MFSD2B: variants seen among roughly 807,000 people sequenced by gnomAD.
The protein encoded by MFSD2B is MFSD2 lysolipid transporter B, sphingolipid, also known as sphingosine-1-phosphate transporter MFSD2B.
In MFSD2B, 56 loss-of-function variants were observed where a neutral mutation model predicts 58.4. That is an observed-to-expected ratio of 0.96 (90% CI 0.77 to 1.20). The LOEUF is 1.20. Among genes scored for constraint, MFSD2B ranks in the 50% most tolerant of loss-of-function variants. MFSD2B has a pLI of 0.00. For missense variants in MFSD2B, 645 were observed against 667.6 expected (o/e 0.97, Z 0.37); for synonymous variants, 287 against 294.4 (o/e 0.97, Z 0.26).
At position 24,023,823 on chromosome 2, in the gene MFSD2B, C is replaced by A; in HGVS notation, c.1313+97C>A. On this transcript the variant is annotated intron_variant, in intron 12 of 13. Coordinates refer to ENST00000338315, the MANE Select transcript of MFSD2B (RefSeq NM_001346880.2). The surrounding 1 kb of genome is among the most constrained non-coding windows in gnomAD (Gnocchi z 5.0). ...CTACCAAGCTCAGGGCATCCATGAG[C>A]CTGGGGCCTAAGCGCTACTCTTTGG... 7.0e-7 allele frequency: 1 copy of A among 1,428,308 alleles called. No individual in the cohort carries two copies. The highest frequency in any genetic ancestry group is 9.6e-7 in the Non-Finnish European group (1 of 1,036,456). The allele number at this position is 1,428,308 out of a possible 1,614,324, so 88.5% of individuals were successfully genotyped here.
chr2:24,023,966 T>C lies in MFSD2B; in HGVS notation c.1314-129T>C, dbSNP rs1662892742. 9.6e-7 allele frequency: 1 copy of C among 1,045,502 alleles called. No individual in the cohort carries two copies. The highest frequency in any genetic ancestry group is 1.6e-5 in the African/African-American group (1 of 62,886). 64.8% of individuals were successfully genotyped at this position (1,045,502 alleles called of 1,614,324 possible). A position where few individuals can be genotyped will look rare whatever the true frequency, so the allele number is the denominator to read the frequency against. The stretch of plus-strand genomic sequence containing the variant: ...TCAGCCTGTCACCTTGACACTCCTC[T>C]CCTGATCTGACCAGGAAATGAAGTC... On this transcript the variant is annotated intron_variant, in intron 12 of 13. Transcript: ENST00000338315. This position sits in a 1 kb window ranked among gnomAD's most constrained non-coding sequence, Gnocchi z 5.0.
intron 6 of MFSD2B, among the ~76,000 whole-genome samples, chr2:24,019,529 C>T (rs1274952402): frequency 6.6e-6 from 1 of 152,064 alleles, no homozygotes; most frequent in Non-Finnish European, 1.5e-5. Flanking sequence ...TCAAGACCAG[C>T]CTGGCCAACA....
chr2:24,018,847 T>C (rs1274375384), intron 6 of MFSD2B: 5 of 138,190 alleles, frequency 3.6e-5, no homozygotes, highest in Non-Finnish European at 7.5e-5. Flanking sequence ...TGGCCTTTTG[T>C]GCTTTTTTTT....
At position 24,017,760 on chromosome 2, in the gene MFSD2B, A is replaced by C. The variant is rs1286019290; in HGVS notation, c.681+172A>C. Among the ~76,000 whole-genome samples, 4 of 152,024 alleles carry C rather than the reference A, an allele frequency of 2.6e-5. No individual in the cohort carries two copies. The highest frequency in any genetic ancestry group is 5.9e-5 in the Non-Finnish European group (4 of 67,992). ...AGTTGAGCAGATGGCCCCCAAATCT[A>C]ACGTCCTCTGCTAAACCTGCCTCCT... On this transcript the variant is annotated intron_variant, in intron 6 of 13. Coordinates refer to ENST00000338315, the MANE Select transcript of MFSD2B (RefSeq NM_001346880.2). This position sits in a 1 kb window ranked among gnomAD's most constrained non-coding sequence, Gnocchi z 4.8.
rs866538180 is a variant in MFSD2B at position 24,020,595 on chromosome 2, T to C, written c.682-1053T>C. On this transcript the variant is annotated intron_variant, in intron 6 of 13. Coordinates refer to ENST00000338315, the MANE Select transcript of MFSD2B (RefSeq NM_001346880.2). The surrounding 1 kb of genome is among the most constrained non-coding windows in gnomAD (Gnocchi z 4.1). Reference sequence around the variant, plus strand: ...TATATACAGAGGCAGGGTCTTACTCTGCCACCCAGGCTGGAGTGCAATGGT... The same window carrying C: ...TATATACAGAGGCAGGGTCTTACTCCGCCACCCAGGCTGGAGTGCAATGGT... 1.3e-5 allele frequency among the ~76,000 whole-genome samples: 2 copies of C among 152,172 alleles called. No individual in the cohort carries two copies. The highest frequency in any genetic ancestry group is 4.8e-5 in the African/African-American group (2 of 41,436).
At position 24,021,974 on chromosome 2, in the gene MFSD2B, C is replaced by T. The variant is rs1662808573; in HGVS notation, c.894+4C>T. 3 of 1,614,010 alleles carry T rather than the reference C, an allele frequency of 1.9e-6. No individual in the cohort carries two copies. The highest frequency in any genetic ancestry group is 1.1e-5 in the South Asian group (1 of 91,088). ...GTTCATCTCTGCTGCTGTTCAGGTA[C>T]CTCTGGCCAGCTGCCCCCGACAGGC... On this transcript the variant is annotated splice_donor_region_variant and intron_variant, in intron 8 of 13. Transcript: ENST00000338315. This position sits in a 1 kb window ranked among gnomAD's most constrained non-coding sequence, Gnocchi z 5.7.
chr2:24,022,855 T>C lies in MFSD2B; in HGVS notation c.1012T>C (p.Trp338Arg). The C allele has an allele frequency of 6.2e-7, 1 of 1,609,306 alleles. No individual in the cohort carries two copies. Among genetic ancestry groups the C allele is most frequent in the Non-Finnish European group, 8.5e-7 (1 of 1,178,178 alleles). ...SAVLSTPLWE[W>R]VLQRFGKKTS... ...CGTGCTGAGCACCCCGCTGTGGGAGTGGGTTCTCCAGCGCTTTGGGAAGAA... is the reference window on the plus strand; with the variant it reads ...CGTGCTGAGCACCCCGCTGTGGGAGCGGGTTCTCCAGCGCTTTGGGAAGAA... Residue 338 changes from tryptophan to arginine, a missense_variant, in exon 10 of 14, where the codon TGG becomes CGG. Trp to Arg is a moderately radical substitution (Grantham distance 101). Transcript: ENST00000338315. The surrounding 1 kb of genome is among the most constrained non-coding windows in gnomAD (Gnocchi z 4.5).
intron 6 of MFSD2B, among the ~76,000 whole-genome samples, chr2:24,019,678 A>T (rs932972078): frequency 2.0e-5 from 3 of 152,164 alleles, no homozygotes; most frequent in Admixed American, 6.5e-5. Flanking sequence ...AGCAGGGATC[A>T]CGCCATTGCA....
intron 13 of MFSD2B, among the ~76,000 whole-genome samples, 195 bp from the exon 14 acceptor site, chr2:24,025,237 G>A (rs1310084304): frequency 6.6e-6 from 1 of 152,198 alleles, no homozygotes; most frequent in Admixed American, 6.5e-5. Context: ...GGAAGGCCAG[G>A]CGGATGGGGA....
chr2:24,015,272 CAA>C (rs79470107), intron 2 of MFSD2B, among the ~76,000 whole-genome samples: 2 of 128,462 alleles, frequency 1.6e-5, no homozygotes, highest in Non-Finnish European at 1.7e-5. Context: ...TCCACCTCCA[CAA>C]AAAAAAAAAA....
Position 24,021,624 on chromosome 2 carries a change from T to C in MFSD2B, c.682-24T>C, listed in dbSNP as rs1283606705. On this transcript the variant is annotated intron_variant, in intron 6 of 13. Transcript: ENST00000338315. The surrounding 1 kb of genome is among the most constrained non-coding windows in gnomAD (Gnocchi z 5.7). ...CTCCAGGGGTTGAAGACATCACCCA[T>C]CCCAGTCCTGTCCTGTCCCACAGGC... 3 of 1,599,338 alleles carry C rather than the reference T, an allele frequency of 1.9e-6. No individual in the cohort carries two copies. In the African/African-American group the frequency reaches 4.0e-5, roughly 21 times the overall value.
rs1662822795 is a variant in MFSD2B at position 24,022,387 on chromosome 2, C to T, written c.895-46C>T. ...CCTGTCCTTGCCCTTGACTTCTGAG[C>T]TCCTGCCATGCCCTGCACATACCCA... On this transcript the variant is annotated intron_variant, in intron 8 of 13. Transcript: ENST00000338315. This position sits in a 1 kb window ranked among gnomAD's most constrained non-coding sequence, Gnocchi z 4.5. The T allele has an allele frequency of 6.6e-7, 1 of 1,509,718 alleles. No homozygotes were observed. Among genetic ancestry groups the T allele is most frequent in the Non-Finnish European group, 9.1e-7 (1 of 1,094,614 alleles). 93.5% of individuals were successfully genotyped at this position (1,509,718 alleles called of 1,614,324 possible). A position where few individuals can be genotyped will look rare whatever the true frequency, so the allele number is the denominator to read the frequency against.
chr2:24,022,104 C>T lies in MFSD2B; in HGVS notation c.894+134C>T, dbSNP rs1004464684. On this transcript the variant is annotated intron_variant, in intron 8 of 13. Coordinates refer to ENST00000338315, the MANE Select transcript of MFSD2B (RefSeq NM_001346880.2). This position sits in a 1 kb window ranked among gnomAD's most constrained non-coding sequence, Gnocchi z 4.5. The stretch of plus-strand genomic sequence containing the variant: ...GCACATGGCTCAGAGGGGCTGGTGC[C>T]GGGAGGGAGATCCCGGTAGGGCTTG... 4.0e-5 allele frequency: 43 copies of T among 1,084,056 alleles called. No homozygotes were observed. The highest frequency in any genetic ancestry group is 1.5e-4 in the Admixed American group (7 of 46,706). 67.2% of individuals were successfully genotyped at this position (1,084,056 alleles called of 1,614,324 possible).
intron 6 of MFSD2B, among the ~76,000 whole-genome samples, chr2:24,019,249 AC>A (rs1662658347): frequency 6.6e-6 from 1 of 152,140 alleles, no homozygotes. Flanking sequence ...AACACCTGGA[AC>A]CTTGTTAGAA....
chr2:24,015,142 CA>C (rs1291797371), intron 2 of MFSD2B, among the ~76,000 whole-genome samples: 1 of 148,242 alleles, frequency 6.7e-6, no homozygotes, highest in East Asian at 2.0e-4. Context: ...AAACCAACAA[CA>C]AAAAAATGAG....
chr2:24,020,593 TCTG>T lies in MFSD2B; in HGVS notation c.682-1053_682-1051del, dbSNP rs1365582935. On this transcript the variant is annotated intron_variant, in intron 6 of 13. Coordinates refer to ENST00000338315, the MANE Select transcript of MFSD2B (RefSeq NM_001346880.2). This position sits in a 1 kb window ranked among gnomAD's most constrained non-coding sequence, Gnocchi z 4.1. Reference sequence around the variant, plus strand: ...TATATATACAGAGGCAGGGTCTTACTCTGCCACCCAGGCTGGAGTGCAATGGTG... The same window carrying T: ...TATATATACAGAGGCAGGGTCTTACTCCACCCAGGCTGGAGTGCAATGGTG... Among the ~76,000 whole-genome samples the T allele has an allele frequency of 6.6e-6, 1 of 152,174 alleles. No individual in the cohort carries two copies. Among genetic ancestry groups the T allele is most frequent in the East Asian group, 1.9e-4 (1 of 5,188 alleles).
rs187633342 is a variant in MFSD2B at position 24,026,478 on chromosome 2, T to A, written c.*1022T>A. ...GGCTGGTTGCCAGAGAAACCAACCATGTGATTAGAAGGTTGAAACTTTCAG... is the reference window on the plus strand; with the variant it reads ...GGCTGGTTGCCAGAGAAACCAACCAAGTGATTAGAAGGTTGAAACTTTCAG... On this transcript the variant is annotated 3_prime_UTR_variant, in exon 14 of 14. Coordinates refer to ENST00000338315, the MANE Select transcript of MFSD2B (RefSeq NM_001346880.2). 1 of 152,168 alleles carries A rather than the reference T, an allele frequency of 6.6e-6. No homozygotes were observed. Among genetic ancestry groups the A allele is most frequent in the Non-Finnish European group, 1.5e-5 (1 of 68,040 alleles). The allele number at this position is 152,168 out of a possible 1,614,324, so 9.4% of individuals were successfully genotyped here.
At chr2:24,013,621 G>A (rs1382137626) in intron 2 of MFSD2B, among the ~76,000 whole-genome samples, 2 of 152,114 alleles carry the variant, frequency 1.3e-5, no homozygotes, top group African/African-American at 2.4e-5. Context: ...GTAGATCCCC[G>A]ACAATATAGA....
chr2:24,014,195 T>C (rs1172596190), intron 2 of MFSD2B, among the ~76,000 whole-genome samples: 1 of 152,064 alleles, frequency 6.6e-6, no homozygotes, highest in African/African-American at 2.4e-5. Context: ...GTATTTTTAG[T>C]AGAGACAACA....
Sources: gnomAD v4.1 joint callset for allele counts (sites outside exome capture counted in the v4.1 genomes callset) on GRCh38, gnomAD v4.1.1 for gene constraint, Gnocchi (gnomAD v3.1) non-coding constraint, MANE v1.5 for transcripts, NCBI Gene and HGNC (gene_info 2026-07-23, HGNC 2026-07-21) for gene names.